NRG1: variants seen among roughly 807,000 people sequenced by gnomAD.
The protein encoded by NRG1 is pro-neuregulin-1, membrane-bound isoform.
A neutral mutation model predicts 63.8 loss-of-function variants in NRG1; 18 were observed. That is an observed-to-expected ratio of 0.28 (90% CI 0.19 to 0.42). The LOEUF (loss-of-function observed/expected upper bound fraction) is 0.42, where lower values mean the gene tolerates loss of function less well. NRG1 is among the 10% of genes least tolerant of loss of function. The pLI, the probability that NRG1 is intolerant of heterozygous loss-of-function variation, is 1.00. For missense variants in NRG1, 762 were observed against 814.7 expected (o/e 0.94, Z 0.79); for synonymous variants, 302 against 301.3 (o/e 1.00, Z -0.02).
rs1305720800 is a variant in NRG1 at position 31,796,378 on chromosome 8, A to G, written c.37+156947A>G. On this transcript the variant is annotated intron_variant, in intron 1 of 10. Transcript: ENST00000519301. ...AGCGGCGGGGAGTTTTTCTTTTGAT[A>G]TCAGCAACAGATAACCAAATAAGAT... Among the ~76,000 whole-genome samples the G allele has an allele frequency of 2.2e-5, 3 of 134,512 alleles. No homozygotes were observed. In the Admixed American group the frequency reaches 2.3e-4, roughly 10 times the overall value. The allele number at this position is 134,512 out of a possible 152,430, so 88.2% of individuals were successfully genotyped here. A position where few individuals can be genotyped will look rare whatever the true frequency, so the allele number is the denominator to read the frequency against.
At chr8:32,695,121 C>T (rs904937600) in intron 5 of NRG1, among the ~76,000 whole-genome samples, 4 of 151,952 alleles carry the variant, frequency 2.6e-5, no homozygotes, top group African/African-American at 4.8e-5. Flanking sequence ...TTTGGGAGGT[C>T]GAGGAATGAG....
chr8:32,588,855 C>T (rs2129535191), intron 1 of NRG1, among the ~76,000 whole-genome samples: 1 of 152,286 alleles, frequency 6.6e-6, no homozygotes, highest in Middle Eastern at 3.4e-3. Context: ...AGGTGCCATC[C>T]TCCTTCCTCA....
chr8:31,953,202 T>C (rs1454435106), intron 1 of NRG1, among the ~76,000 whole-genome samples: 2 of 152,102 alleles, frequency 1.3e-5, no homozygotes, highest in Non-Finnish European at 2.9e-5. Flanking sequence ...TACTGAAGTA[T>C]TTAGGGGAAG....
chr8:32,533,288 G>T (rs1831639747), intron 1 of NRG1, among the ~76,000 whole-genome samples: 1 of 151,930 alleles, frequency 6.6e-6, no homozygotes, highest in African/African-American at 2.4e-5. Context: ...AGCTTAAACT[G>T]CTCTGTTTGG....
chr8:31,650,362 A>G (rs1159369167), intron 1 of NRG1, among the ~76,000 whole-genome samples: 8 of 152,230 alleles, frequency 5.3e-5, no homozygotes, highest in Non-Finnish European at 7.4e-5. Context: ...CTCAACATTC[A>G]ATATCCTCCT....
chr8:32,722,668 A>G (rs1351488301), intron 5 of NRG1, among the ~76,000 whole-genome samples: 1 of 152,210 alleles, frequency 6.6e-6, no homozygotes, highest in African/African-American at 2.4e-5. Flanking sequence ...ACTTTAAAAA[A>G]TTGTTATAAC....
intron 1 of NRG1, among the ~76,000 whole-genome samples, chr8:31,782,892 G>A (rs549428768): frequency 2.6e-5 from 4 of 152,260 alleles, no homozygotes; most frequent in South Asian, 4.1e-4. Context: ...AGACTCTAAA[G>A]TACCTGTGGA....
chr8:32,579,767 T>A (rs1015989999), intron 1 of NRG1, among the ~76,000 whole-genome samples: 7 of 152,236 alleles, frequency 4.6e-5, no homozygotes, highest in African/African-American at 1.7e-4. Context: ...ACTTTGAGGC[T>A]TAAAGCAACA....
intron 1 of NRG1, among the ~76,000 whole-genome samples, chr8:32,421,627 C>G (rs548484169): frequency 6.6e-6 from 1 of 152,294 alleles, no homozygotes; most frequent in South Asian, 2.1e-4. Flanking sequence ...ATTGATTCCT[C>G]TATCTTTAGA....
intron 5 of NRG1, among the ~76,000 whole-genome samples, chr8:32,666,224 A>T (rs1804121925): frequency 6.6e-6 from 1 of 152,084 alleles, no homozygotes; most frequent in Non-Finnish European, 1.5e-5. Context: ...ACTTGTAGGC[A>T]CTCCTTTGCA....
chr8:32,273,984 A>G lies in NRG1; in HGVS notation c.38-321844A>G, dbSNP rs553121121. On this transcript the variant is annotated intron_variant, in intron 1 of 10. Coordinates refer to the NRG1 transcript ENST00000519301. ...ATTGCTCCTGCAAAACTGAGGAGTT[A>G]ATGTCTTTACGTGCTTTTTCACAAA... Among the ~76,000 whole-genome samples, 5 of 152,324 alleles carry G rather than the reference A, an allele frequency of 3.3e-5. No individual in the cohort carries two copies. The South Asian group carries it at 1.0e-3, about 32-fold the overall frequency.
At chr8:31,647,678 T>C (rs1049455725) in intron 1 of NRG1, among the ~76,000 whole-genome samples, 2 of 152,226 alleles carry the variant, frequency 1.3e-5, no homozygotes, top group Non-Finnish European at 2.9e-5. Context: ...TCCTGTCATC[T>C]GCACAAAGGG....
chr8:31,841,966 G>A (rs1826240553), intron 1 of NRG1, among the ~76,000 whole-genome samples: 1 of 152,142 alleles, frequency 6.6e-6, no homozygotes, highest in South Asian at 2.1e-4. Context: ...ATGTACAAGA[G>A]ACAGAGGTAG....
chr8:32,178,306 A>C (rs1448455174), intron 1 of NRG1, among the ~76,000 whole-genome samples: 1 of 152,126 alleles, frequency 6.6e-6, no homozygotes, highest in East Asian at 1.9e-4. Context: ...GGTAAAGGGC[A>C]GTGACTAAGA....
intron 1 of NRG1, among the ~76,000 whole-genome samples, chr8:32,579,986 C>T (rs1482021737): frequency 6.6e-6 from 1 of 152,080 alleles, no homozygotes; most frequent in African/African-American, 2.4e-5. Flanking sequence ...TTAACTGCAC[C>T]AAGGGAAGAT....
At chr8:31,998,253 A>G (rs545466478) in intron 1 of NRG1, among the ~76,000 whole-genome samples, 1 of 152,182 alleles carries the variant, frequency 6.6e-6, no homozygotes, top group African/African-American at 2.4e-5. Context: ...ATAAGTCTTG[A>G]GACAAACACT....
At position 32,731,407 on chromosome 8, in the gene NRG1, CT is replaced by C. The variant is rs10673810; in HGVS notation, c.632+3341del. ...GCCTTCTAGTTCTAAGAAATTACACCTTTTTTTTTTTTGTAATTAGGATCTT... is the reference window on the plus strand; with the variant it reads ...GCCTTCTAGTTCTAAGAAATTACACCTTTTTTTTTTTGTAATTAGGATCTT... On this transcript the variant is annotated intron_variant, in intron 6 of 11. Coordinates refer to ENST00000356819, the Ensembl canonical transcript of NRG1. Among the ~76,000 whole-genome samples, 1,131 of 146,136 alleles carry C rather than the reference CT, an allele frequency of 7.7e-3. 4 individuals are homozygous for C. Among genetic ancestry groups the C allele is most frequent in the African/African-American group, 0.015 (584 of 40,138 alleles).
intron 1 of NRG1, among the ~76,000 whole-genome samples, chr8:32,208,245 G>A (rs977868846): frequency 2.6e-5 from 4 of 151,588 alleles, no homozygotes; most frequent in Admixed American, 6.6e-5. Context: ...AAGGAAATGG[G>A]TACTCTCAAA....
intron 6 of NRG1, chr8:32,728,714 T>C: frequency 2.2e-6 from 2 of 913,288 alleles, no homozygotes; most frequent in Non-Finnish European, 2.6e-6. Flanking sequence ...TCTATAGATA[T>C]ATCTAGAATA....
Sources: allele counts gnomAD v4.1 joint callset (sites outside exome capture counted in the v4.1 genomes callset), GRCh38; gene constraint gnomAD v4.1.1; transcripts MANE v1.5; gene names NCBI Gene and HGNC (gene_info 2026-07-23, HGNC 2026-07-21).